Variants in TIAM1 observed in about 807,000 individuals in gnomAD.
The protein encoded by TIAM1 is rho guanine nucleotide exchange factor TIAM1.
TIAM1 carries 65 observed loss-of-function variants against 163.5 expected under a neutral mutation model. The observed-to-expected ratio is 0.40, with a 90% CI of 0.33 to 0.49. TIAM1 has a LOEUF of 0.49. Ranked by LOEUF, TIAM1 falls within the 20% of genes least tolerant of loss-of-function variation. The pLI is 0.77. For missense variants in TIAM1, 1,789 were observed against 2,044.7 expected, an observed-to-expected ratio of 0.87 and a Z score of 2.41; for synonymous variants, 833 against 810.1, an observed-to-expected ratio of 1.03 and a Z score of -0.48.
intron 15 of TIAM1, among the ~76,000 whole-genome samples, chr21:31,177,083 C>G (rs1232590683): frequency 6.6e-6 from 1 of 152,170 alleles, no homozygotes; most frequent in Non-Finnish European, 1.5e-5. Flanking sequence ...TGGTCATAGG[C>G]CAGGGAATCC....
chr21:31,556,473 A>G (rs1482943263), intron 1 of TIAM1, among the ~76,000 whole-genome samples: 4 of 152,098 alleles, frequency 2.6e-5, no homozygotes, highest in Admixed American at 2.6e-4. Flanking sequence ...GCCTACATTC[A>G]AAGAATGTGT....
At chr21:31,434,549 G>A (rs1179964415) in intron 2 of TIAM1, among the ~76,000 whole-genome samples, 1 of 152,230 alleles carries the variant, frequency 6.6e-6, no homozygotes, top group Non-Finnish European at 1.5e-5. Context: ...CCATGGTTAA[G>A]AGCTGGAAAG....
chr21:31,146,726 G>GA (rs1225911016), intron 20 of TIAM1, among the ~76,000 whole-genome samples, 169 bp downstream of exon 20: 136 of 128,488 alleles, frequency 1.1e-3, no homozygotes, highest in Admixed American at 2.4e-3. Flanking sequence ...AAAAAAAAAT[G>GA]AAAAAAAAAT....
At chr21:31,440,701 T>C (rs2044386449) in intron 2 of TIAM1, among the ~76,000 whole-genome samples, 1 of 152,020 alleles carries the variant, frequency 6.6e-6, no homozygotes, top group Admixed American at 6.6e-5. Flanking sequence ...GCCAACATGG[T>C]GAAACCCCGT....
intron 14 of TIAM1, among the ~76,000 whole-genome samples, chr21:31,184,354 C>T (rs747105825): frequency 6.6e-6 from 1 of 152,216 alleles, no homozygotes; most frequent in African/African-American, 2.4e-5. Flanking sequence ...GATCCGCCCA[C>T]CTTGGCCTCC....
intron 1 of TIAM1, among the ~76,000 whole-genome samples, chr21:31,468,076 C>T (rs1285787305): frequency 8.1e-6 from 1 of 122,892 alleles, no homozygotes; most frequent in Non-Finnish European, 1.7e-5. Flanking sequence ...GCGACAAGAG[C>T]GAAACTCTTA....
At chr21:31,261,101 C>T (rs1030817759) in intron 4 of TIAM1, among the ~76,000 whole-genome samples, 1 of 152,108 alleles carries the variant, frequency 6.6e-6, no homozygotes, top group East Asian at 1.9e-4. Context: ...ATGCTGCACT[C>T]TTTACCTTGT....
At chr21:31,410,510 T>A (rs956300488) in intron 2 of TIAM1, among the ~76,000 whole-genome samples, 2 of 8,712 alleles carry the variant, frequency 2.3e-4, no homozygotes. Flanking sequence ...TGTGTATGTG[T>A]ATGTGAGAGT....
chr21:31,503,152 T>C (rs2046902224), intron 1 of TIAM1, among the ~76,000 whole-genome samples: 1 of 151,948 alleles, frequency 6.6e-6, no homozygotes, highest in Non-Finnish European at 1.5e-5. Context: ...CCCAGCACTT[T>C]GGGAGGCTGC....
chr21:31,249,707 G>A (rs768445448), intron 5 of TIAM1, among the ~76,000 whole-genome samples: 1 of 152,178 alleles, frequency 6.6e-6, no homozygotes, highest in South Asian at 2.1e-4. Flanking sequence ...AGCAGCTGGT[G>A]TGATCCAGGC....
intron 3 of TIAM1, among the ~76,000 whole-genome samples, chr21:31,272,017 C>T (rs140221004): frequency 4.5e-4 from 69 of 152,218 alleles, no homozygotes. Context: ...CCTCATAAAC[C>T]CATTGTAAGG....
At chr21:31,522,167 G>A (rs1002938857) in intron 1 of TIAM1, among the ~76,000 whole-genome samples, 4 of 151,190 alleles carry the variant, frequency 2.6e-5, no homozygotes, top group South Asian at 2.1e-4. Context: ...CACCACGCCC[G>A]GCCGGCTCTT....
chr21:31,537,166 G>T (rs982726848), intron 1 of TIAM1, among the ~76,000 whole-genome samples: 1 of 152,178 alleles, frequency 6.6e-6, no homozygotes, highest in African/African-American at 2.4e-5. Flanking sequence ...TAATCCAGTA[G>T]GACCCCTTCT....
At chr21:31,344,523 A>C (rs1454222041), upstream of TIAM1, among the ~76,000 whole-genome samples, 1 of 152,174 alleles carries the variant, frequency 6.6e-6, no homozygotes, top group Non-Finnish European at 1.5e-5. Context: ...CTTGTCAAAT[A>C]ATTTTCTACA....
chr21:31,200,839 G>C (rs1035811927), intron 12 of TIAM1, among the ~76,000 whole-genome samples: 20 of 152,188 alleles, frequency 1.3e-4, no homozygotes, highest in African/African-American at 4.6e-4. Flanking sequence ...GGTTGAAACA[G>C]AGGTTTTGCA....
Position 31,120,437 on chromosome 21 carries a change from T to C in TIAM1, c.4707A>G (p.Ala1569=). Residue 1569 remains alanine, a synonymous_variant, in exon 28 of 28, where the codon GCA becomes GCG. Coordinates refer to ENST00000541036, the MANE Select transcript of TIAM1 (RefSeq NM_001353694.2). This position sits in a 1 kb window ranked among gnomAD's most constrained non-coding sequence, Gnocchi z 4.2. ...LSGINGGLES[A]SEEVIWVRRE... ...GCCTAACCCAAATGACTTCCTCGCT[T>C]GCGCTCTCCAGGCCTCCATTGATCC... The C allele has an allele frequency of 1.2e-6, 2 of 1,614,200 alleles. No homozygotes were observed. Among genetic ancestry groups the C allele is most frequent in the African/African-American group, 2.7e-5 (2 of 75,058 alleles).
intron 1 of TIAM1, among the ~76,000 whole-genome samples, chr21:31,521,119 G>T (rs1347982688): frequency 2.6e-5 from 4 of 152,122 alleles, no homozygotes; most frequent in Non-Finnish European, 5.9e-5. Flanking sequence ...TCTGAAGAAG[G>T]AATAGATTGC....
chr21:31,234,033 T>C (rs950003625), intron 6 of TIAM1, among the ~76,000 whole-genome samples: 1 of 152,162 alleles, frequency 6.6e-6, no homozygotes, highest in African/African-American at 2.4e-5. Context: ...CCAGTACTTC[T>C]AATGTGCACA....
chr21:31,356,728 C>T, intron 2 of TIAM1, among the ~76,000 whole-genome samples: 1 of 152,194 alleles, frequency 6.6e-6, no homozygotes, highest in Admixed American at 6.5e-5. Context: ...ATAAATTATC[C>T]AGTCTGTGGT....
Sources: gnomAD v4.1 joint callset for allele counts (sites outside exome capture counted in the v4.1 genomes callset) on GRCh38, gnomAD v4.1.1 for gene constraint, Gnocchi (gnomAD v3.1) non-coding constraint, MANE v1.5 for transcripts, NCBI Gene and HGNC (gene_info 2026-07-23, HGNC 2026-07-21) for gene names.